IGF2BP3: variants seen among roughly 807,000 people sequenced by gnomAD.
IGF2BP3 encodes the protein insulin-like growth factor 2 mRNA-binding protein 3.
In IGF2BP3, 9 loss-of-function variants were observed where a neutral mutation model predicts 73.8. The observed-to-expected ratio is 0.12, with a 90% confidence interval of 0.07 to 0.21. The LOEUF (loss-of-function observed/expected upper bound fraction) is 0.21. Ranked by LOEUF, IGF2BP3 falls within the 10% of genes least tolerant of loss-of-function variation. The pLI is 1.00. For synonymous variants in IGF2BP3, 258 were observed against 256.7 expected, an observed-to-expected ratio of 1.01 and a Z score of -0.05; for missense variants, 542 against 714.0, an observed-to-expected ratio of 0.76 and a Z score of 2.75.
chr7:23,439,136 C>T (rs1042180628), intron 2 of IGF2BP3, among the ~76,000 whole-genome samples: 5 of 151,980 alleles, frequency 3.3e-5, no homozygotes, highest in Admixed American at 6.6e-5. Flanking sequence ...CCTAGCTACT[C>T]GAAGGCTGAG....
intron 10 of IGF2BP3, among the ~76,000 whole-genome samples, chr7:23,324,216 C>CA (rs1314771431): frequency 6.6e-6 from 1 of 150,908 alleles, no homozygotes; most frequent in East Asian, 1.9e-4. Flanking sequence ...CAAATAGACA[C>CA]AATAAAAAAT....
At chr7:23,347,789 G>A in intron 6 of IGF2BP3, 55 bp from the exon 7 acceptor site, 1 of 1,607,168 alleles carries the variant, frequency 6.2e-7, no homozygotes, top group Non-Finnish European at 8.5e-7. Context: ...TGTATTCACA[G>A]TGGAGTCTGT....
intron 1 of IGF2BP3, 28 bp from the exon 2 acceptor site, chr7:23,468,570 C>G: frequency 6.2e-7 from 1 of 1,612,130 alleles, no homozygotes; most frequent in Non-Finnish European, 8.5e-7. Context: ...GTGAGACGGT[C>G]GGCCGAGTTC....
chr7:23,451,633 C>T (rs998137879), intron 2 of IGF2BP3, among the ~76,000 whole-genome samples: 3 of 152,032 alleles, frequency 2.0e-5, no homozygotes, highest in African/African-American at 4.8e-5. Context: ...TTCCTTATAA[C>T]TGCTACAAAA....
intron 2 of IGF2BP3, among the ~76,000 whole-genome samples, chr7:23,422,475 A>C (rs1325150662): frequency 6.6e-6 from 1 of 152,136 alleles, no homozygotes; most frequent in Non-Finnish European, 1.5e-5. Flanking sequence ...GAATCACATG[A>C]GCCCAGGAGT....
chr7:23,332,196 T>G (rs1051295739), intron 10 of IGF2BP3, among the ~76,000 whole-genome samples: 2 of 152,314 alleles, frequency 1.3e-5, no homozygotes, highest in Middle Eastern at 3.4e-3. Context: ...GAAAATCACT[T>G]AAACTCTATT....
chr7:23,377,989 G>A (rs1295715386), intron 3 of IGF2BP3, among the ~76,000 whole-genome samples: 1 of 152,070 alleles, frequency 6.6e-6, no homozygotes, highest in African/African-American at 2.4e-5. Context: ...ATGGCTATAG[G>A]GTTACTTTTG....
At chr7:23,406,187 T>C (rs1287083233) in intron 3 of IGF2BP3, among the ~76,000 whole-genome samples, 1 of 152,156 alleles carries the variant, frequency 6.6e-6, no homozygotes, top group Non-Finnish European at 1.5e-5. Context: ...TCCAAGGGGA[T>C]GGATTGAACC....
chr7:23,327,278 ATTTTTT>A (rs11332587), intron 10 of IGF2BP3, among the ~76,000 whole-genome samples: 2 of 92,864 alleles, frequency 2.2e-5, no homozygotes, highest in Non-Finnish European at 4.5e-5. Context: ...CTAATTTCTA[ATTTTTT>A]TTTTTTTTTT....
intron 2 of IGF2BP3, among the ~76,000 whole-genome samples, chr7:23,435,562 T>C (rs1562752531): frequency 6.6e-6 from 1 of 151,648 alleles, no homozygotes. Context: ...TTCAAGCGAT[T>C]CTCCTGCTTC....
intron 2 of IGF2BP3, among the ~76,000 whole-genome samples, chr7:23,438,340 C>T (rs866061305): frequency 7.2e-5 from 11 of 152,172 alleles, no homozygotes; most frequent in African/African-American, 2.4e-4. Flanking sequence ...TCTTGAATTC[C>T]TGAGCTTAAG....
chr7:23,329,429 A>C (rs1045446426), intron 10 of IGF2BP3, among the ~76,000 whole-genome samples: 18 of 152,286 alleles, frequency 1.2e-4, no homozygotes, highest in African/African-American at 4.1e-4. Context: ...TTGTACATAA[A>C]ATTTGTGCCC....
intron 8 of IGF2BP3, 101 bp from the exon 9 acceptor site, chr7:23,343,954 G>A (rs540460360): frequency 3.4e-6 from 4 of 1,171,206 alleles, no homozygotes; most frequent in Non-Finnish European, 4.8e-6. Flanking sequence ...TGTGGAGCCT[G>A]GTAATATGTA....
intron 2 of IGF2BP3, among the ~76,000 whole-genome samples, chr7:23,431,677 TAA>T (rs1265346441): frequency 6.6e-6 from 1 of 150,478 alleles, no homozygotes; most frequent in Admixed American, 6.6e-5. Context: ...CACCGTAAAA[TAA>T]AGAGATGTCC....
chr7:23,370,802 C>A (rs979603273), intron 3 of IGF2BP3, among the ~76,000 whole-genome samples: 1 of 152,012 alleles, frequency 6.6e-6, no homozygotes, highest in Non-Finnish European at 1.5e-5. Flanking sequence ...CTCAGCCTCC[C>A]GAGAAGCTGG....
chr7:23,460,178 CAAA>C (rs757381858), intron 2 of IGF2BP3, among the ~76,000 whole-genome samples: 1 of 55,166 alleles, frequency 1.8e-5, no homozygotes, highest in Non-Finnish European at 3.3e-5. Context: ...GACCCTGCCT[CAAA>C]AAAAAAAAAA....
At chr7:23,378,235 A>G (rs530230835) in intron 3 of IGF2BP3, among the ~76,000 whole-genome samples, 13 of 152,212 alleles carry the variant, frequency 8.5e-5, no homozygotes, top group African/African-American at 3.1e-4. Flanking sequence ...TAATGTTGCC[A>G]TTGGGAGAAA....
intron 2 of IGF2BP3, among the ~76,000 whole-genome samples, chr7:23,447,414 A>G (rs547824372): frequency 1.3e-5 from 2 of 152,208 alleles, no homozygotes; most frequent in African/African-American, 4.8e-5. Context: ...ACTTGGGGCC[A>G]GGAGTCTGAC....
At chr7:23,351,281 C>A (rs758928973) in intron 6 of IGF2BP3, 24 bp downstream of exon 6, 3 of 1,610,870 alleles carry the variant, frequency 1.9e-6, no homozygotes, top group African/African-American at 2.7e-5. Context: ...TCATGAACAC[C>A]CACCACACAC....
Sources: allele counts gnomAD v4.1 joint callset (sites outside exome capture counted in the v4.1 genomes callset), GRCh38; gene constraint gnomAD v4.1.1; transcripts MANE v1.5; gene names NCBI Gene and HGNC (gene_info 2026-07-23, HGNC 2026-07-21).